Variants in C1orf35 observed in about 807,000 individuals in gnomAD.
C1orf35 encodes the protein multiple myeloma tumor-associated protein 2.
Under a neutral mutation model 30.9 loss-of-function variants are expected in C1orf35, and 36 were observed. That is an observed-to-expected ratio of 1.16 (90% CI 0.89 to 1.54). C1orf35 has a LOEUF of 1.54. C1orf35 is among the 40% of genes most tolerant of loss of function. C1orf35 has a pLI of 0.00. For missense variants in C1orf35, 396 were observed against 358.7 expected (o/e 1.10, Z -0.84); for synonymous variants, 179 against 148.2 (o/e 1.21, Z -1.51).
chr1:228,101,776 C>T (rs2032971871), intron 6 of C1orf35: 2 of 1,409,326 alleles, frequency 1.4e-6, no homozygotes, highest in Admixed American at 3.0e-5. Flanking sequence ...CCCAGGCTCA[C>T]CATCCAGGAG....
Position 228,102,734 on chromosome 1 carries a change from C to T in C1orf35, c.246-46G>A, listed in dbSNP as rs761263806. The T allele has an allele frequency of 1.3e-5, 20 of 1,579,508 alleles. No homozygotes were observed. In the East Asian group the frequency reaches 4.1e-4, roughly 32 times the overall value. On this transcript the variant is annotated intron_variant, in intron 2 of 7. Coordinates refer to ENST00000272139, the MANE Select transcript of C1orf35 (RefSeq NM_024319.4). ...GCGTCAGGACGGACGGACCTCCTCC[C>T]ACCACAGGTCCTCACCACTCCAGCC...
chr1:228,103,090 T>C, intron 1 of C1orf35, 41 bp from the exon 2 acceptor site: 1 of 1,607,176 alleles, frequency 6.2e-7, no homozygotes, highest in African/African-American at 1.3e-5. Context: ...CCGCCCGGGA[T>C]CCCGGAGCCC....
Position 228,102,220 on chromosome 1 carries a change from C to A in C1orf35, c.448-55G>T, listed in dbSNP as rs1338898008. On this transcript the variant is annotated intron_variant, in intron 5 of 7. Transcript: ENST00000272139. ...TCTGCGGGCCGGCCCCACACCACGC[C>A]CCGCAGCGCCCCGGGGAGCTCCGTT... The A allele has an allele frequency of 2.6e-6, 4 of 1,562,618 alleles. No homozygotes were observed. In the Admixed American group the frequency reaches 7.3e-5, roughly 29 times the overall value.
Position 228,100,937 on chromosome 1 carries a change from C to A in C1orf35, c.*194G>T. On this transcript the variant is annotated 3_prime_UTR_variant, in exon 8 of 8. Transcript: ENST00000272139. ...AGGGGCCATCCCTGGTATGCGAAAC[C>A]TGGAGGTTTTCCAGGAAGCCGGCTG... 1.2e-6 allele frequency: 1 copy of A among 807,822 alleles called. No homozygotes were observed. The highest frequency in any genetic ancestry group is 2.7e-5 in the East Asian group (1 of 37,220). The allele number at this position is 807,822 out of a possible 1,614,324, so 50.0% of individuals were successfully genotyped here.
Position 228,103,296 on chromosome 1 carries a change from C to T in C1orf35, c.-69G>A. 2 of 1,556,604 alleles carry T rather than the reference C, an allele frequency of 1.3e-6. No homozygotes were observed. ...GCAACCCGCAACCCGAGACCCGCTA[C>T]CCACTACCGTCGGACCCAGGCCCGA... On this transcript the variant is annotated 5_prime_UTR_variant, in exon 1 of 8. Coordinates refer to ENST00000272139, the MANE Select transcript of C1orf35 (RefSeq NM_024319.4).
chr1:228,102,803 T>TACCCCCCCCCC, intron 2 of C1orf35, 96 bp downstream of exon 2: 24 of 1,187,444 alleles, frequency 2.0e-5, no homozygotes, highest in South Asian at 3.2e-5. Context: ...GCAGCCCCGC[T>TACCCCCCCCCC]CCCGCCCAGC....
intron 6 of C1orf35, chr1:228,101,862 C>T: frequency 2.8e-6 from 4 of 1,418,064 alleles, no homozygotes; most frequent in Non-Finnish European, 3.7e-6. Context: ...GCACAGCGCC[C>T]GACCACTGCC....
chr1:228,101,325 G>A lies in C1orf35; in HGVS notation c.668+14C>T, dbSNP rs757302544. Reference sequence around the variant, plus strand: ...GCCCCCACCCCCAAGAGGCAGATATGGACCAGGGCATACCTCTCAGGAGAT... The same window carrying A: ...GCCCCCACCCCCAAGAGGCAGATATAGACCAGGGCATACCTCTCAGGAGAT... On this transcript the variant is annotated intron_variant, in intron 7 of 7. Transcript: ENST00000272139. 1.4e-5 allele frequency: 23 copies of A among 1,614,056 alleles called. No homozygotes were observed. The highest frequency in any genetic ancestry group is 1.8e-5 in the Non-Finnish European group (21 of 1,180,042).
chr1:228,100,946 T>G lies in C1orf35; in HGVS notation c.*185A>C, dbSNP rs2032927213. 1 of 891,930 alleles carries G rather than the reference T, an allele frequency of 1.1e-6. No individual in the cohort carries two copies. Among genetic ancestry groups the G allele is most frequent in the Non-Finnish European group, 1.7e-6 (1 of 600,202 alleles). The allele number at this position is 891,930 out of a possible 1,614,324, so 55.3% of individuals were successfully genotyped here. Reference sequence around the variant, plus strand: ...CCCTGGTATGCGAAACCTGGAGGTTTTCCAGGAAGCCGGCTGCTCCAGAGC... The same window carrying G: ...CCCTGGTATGCGAAACCTGGAGGTTGTCCAGGAAGCCGGCTGCTCCAGAGC... On this transcript the variant is annotated 3_prime_UTR_variant, in exon 8 of 8. Transcript: ENST00000272139.
chr1:228,101,633 G>T, intron 6 of C1orf35, 160 bp from the exon 7 acceptor site: 1 of 1,476,910 alleles, frequency 6.8e-7, no homozygotes, highest in Non-Finnish European at 8.9e-7. Flanking sequence ...TAGTCACGTG[G>T]CCAGTGGCTA....
chr1:228,101,257 G>A lies in C1orf35; in HGVS notation c.669-3C>T. 6.2e-7 allele frequency: 1 copy of A among 1,614,120 alleles called. No homozygotes were observed. Among genetic ancestry groups the A allele is most frequent in the South Asian group, 1.1e-5 (1 of 91,086 alleles). On this transcript the variant is annotated splice_region_variant and splice_polypyrimidine_tract_variant and intron_variant, in intron 7 of 7. Coordinates refer to ENST00000272139, the MANE Select transcript of C1orf35 (RefSeq NM_024319.4). ...AGTCATGGTGGTGGTGCCTGGGCCT[G>A]GGGAGACCAATGGCAGTCAGTCACT... is the stretch of plus-strand genomic sequence containing the variant.
rs530711131 is a variant in C1orf35 at position 228,101,946 on chromosome 1, G to T, written c.533+134C>A. ...AAAAACCTAGGAGTAACTGGGACAG[G>T]AAGTAAAGTAGGGCAGGCCACCCGC... On this transcript the variant is annotated intron_variant, in intron 6 of 7. Transcript: ENST00000272139. 5 of 1,427,134 alleles carry T rather than the reference G, an allele frequency of 3.5e-6. No individual in the cohort carries two copies. In the African/African-American group the frequency reaches 4.4e-5, roughly 12 times the overall value. The allele number at this position is 1,427,134 out of a possible 1,614,324, so 88.4% of individuals were successfully genotyped here.
In C1orf35 at chr1:228,101,404, C is replaced by T. The variant is rs768625429; in HGVS notation, c.603G>A (p.Lys201=). Residue 201 remains lysine, a synonymous_variant, in exon 7 of 8, where the codon AAG becomes AAA. Coordinates refer to ENST00000272139, the MANE Select transcript of C1orf35 (RefSeq NM_024319.4). ...KKKKRKHKKE[K]KKKDKEHRRP... is the part of the protein sequence containing the mutation. The stretch of plus-strand genomic sequence containing the variant: ...GCCTGTGCTCTTTGTCTTTCTTCTT[C>T]TTCTCTTTCTTGTGTTTCCTCTTTT... 33 of 1,613,850 alleles carry T rather than the reference C, an allele frequency of 2.0e-5. 1 individual carries two copies. Among genetic ancestry groups the T allele is most frequent in the South Asian group, 3.3e-5 (3 of 91,076 alleles).
chr1:228,101,365 G>A lies in C1orf35; in HGVS notation c.642C>T (p.Ala214=), dbSNP rs778053863. The change falls in exon 7 of 8, where the codon GCC becomes GCT. Residue 214 remains alanine, a synonymous_variant. Coordinates refer to ENST00000272139, the MANE Select transcript of C1orf35 (RefSeq NM_024319.4). ...KDKEHRRPAE[A]TSSPTSPERP... is the part of the protein sequence containing the mutation. ...TCTCAGGAGATGTGGGAGAGGAGGTGGCCTCAGCTGGCCGCCTGTGCTCTT... is the reference window on the plus strand; with the variant it reads ...TCTCAGGAGATGTGGGAGAGGAGGTAGCCTCAGCTGGCCGCCTGTGCTCTT... 6.2e-7 allele frequency: 1 copy of A among 1,614,100 alleles called. No individual in the cohort carries two copies. The highest frequency in any genetic ancestry group is 8.5e-7 in the Non-Finnish European group (1 of 1,180,022).
chr1:228,101,042 C>T lies in C1orf35; in HGVS notation c.*89G>A, dbSNP rs922951871. ...TCCACAGGAGCAGCCTCGGGCTTCA[C>T]CCACACCCAAGGAGCTTCCGAGGCA... On this transcript the variant is annotated 3_prime_UTR_variant, in exon 8 of 8. Coordinates refer to ENST00000272139, the MANE Select transcript of C1orf35 (RefSeq NM_024319.4). 1.7e-5 allele frequency: 26 copies of T among 1,572,088 alleles called. No homozygotes were observed. The South Asian group carries it at 2.6e-4, about 16-fold the overall frequency.
At position 228,102,338 on chromosome 1, in the gene C1orf35, G is replaced by A. The variant is rs1443491895; in HGVS notation, c.419C>T (p.Ala140Val). 12 of 1,611,506 alleles carry A rather than the reference G, an allele frequency of 7.4e-6. No homozygotes were observed. The highest frequency in any genetic ancestry group is 1.7e-4 in the Middle Eastern group (1 of 6,010). The change falls in exon 5 of 8, where the codon GCC becomes GTC. Residue 140 changes from alanine to valine, a missense_variant. Transcript: ENST00000272139. Reference sequence around the variant, plus strand: ...GAACACAGACAGCCCCAGTTTGGCGGCCTCCTTGTCCTCTCGGGACATCGC... The same window carrying A: ...GAACACAGACAGCCCCAGTTTGGCGACCTCCTTGTCCTCTCGGGACATCGC... ...RVAMSREDKE[A>V]AKLGLSVFTH...
chr1:228,102,290 C>T lies in C1orf35; in HGVS notation c.447+20G>A, dbSNP rs777130616. On this transcript the variant is annotated intron_variant, in intron 5 of 7. Transcript: ENST00000272139. ...CACCCCTGTTAGCCCCTGCTGCGGTCAGGCGGGGCGGGGGATTACCGTGAA... is the reference window on the plus strand; with the variant it reads ...CACCCCTGTTAGCCCCTGCTGCGGTTAGGCGGGGCGGGGGATTACCGTGAA... The T allele has an allele frequency of 6.2e-7, 1 of 1,609,156 alleles. No individual in the cohort carries two copies. The highest frequency in any genetic ancestry group is 1.7e-5 in the Admixed American group (1 of 59,892).
rs1204546527 is a variant in C1orf35 at position 228,103,120 on chromosome 1, C to T, written c.94+14G>A. On this transcript the variant is annotated intron_variant, in intron 1 of 7. Coordinates refer to ENST00000272139, the MANE Select transcript of C1orf35 (RefSeq NM_024319.4). Reference sequence around the variant, plus strand: ...GAGCCCGGAGCCCGGAGCCCGCCCACCGCGCGCACCCACCCAGGTAGTTCT... The same window carrying T: ...GAGCCCGGAGCCCGGAGCCCGCCCATCGCGCGCACCCACCCAGGTAGTTCT... 1.2e-6 allele frequency: 2 copies of T among 1,609,990 alleles called. No homozygotes were observed. The highest frequency in any genetic ancestry group is 1.7e-6 in the Non-Finnish European group (2 of 1,178,890).
chr1:228,101,686 G>T (rs1195809507), intron 6 of C1orf35: 9 of 1,432,570 alleles, frequency 6.3e-6, no homozygotes, highest in Non-Finnish European at 8.2e-6. Flanking sequence ...TCCACAGCAC[G>T]CCCCTGCCCC....
Sources: gnomAD v4.1 joint callset for allele counts on GRCh38, gnomAD v4.1.1 for gene constraint, MANE v1.5 for transcripts, NCBI Gene and HGNC (gene_info 2026-07-23, HGNC 2026-07-21) for gene names.